The following NSMCE2 variants were observed in gnomAD, a reference collection of about 807,000 sequenced individuals.
NSMCE2 encodes NSE2 SUMO ligase component of SMC5/6 complex, also known as E3 SUMO-protein ligase NSE2.
In NSMCE2, 24 loss-of-function variants were observed where a neutral mutation model predicts 23.8. The ratio of observed to expected loss-of-function variants is 1.01; its 90% CI spans 0.73 to 1.42. NSMCE2 has a LOEUF of 1.42. Ranked by LOEUF, NSMCE2 falls within the 40% of genes most tolerant of loss-of-function variation. The pLI, the probability that NSMCE2 is intolerant of heterozygous loss-of-function variation, is 0.00. For synonymous variants in NSMCE2, 92 were observed against 94.1 expected (o/e 0.98, Z 0.13); for missense variants, 284 against 296.5 (o/e 0.96, Z 0.31).
intron 1 of NSMCE2, among the ~76,000 whole-genome samples, chr8:125,099,824 A>G (rs1818099742): frequency 6.6e-6 from 1 of 152,034 alleles, no homozygotes; most frequent in African/African-American, 2.4e-5. Context: ...GAGTAGAGAA[A>G]TGGGGCTGGT....
chr8:125,117,901 G>A (rs1819091854), intron 3 of NSMCE2, among the ~76,000 whole-genome samples: 1 of 152,140 alleles, frequency 6.6e-6, no homozygotes, highest in South Asian at 2.1e-4. Context: ...CAAATATCTG[G>A]ATCAAGAATG....
Position 125,093,534 on chromosome 8 carries a change from CAATAAATA to C in NSMCE2, c.-111+1594_-111+1601del, listed in dbSNP as rs559764219. Among the ~76,000 whole-genome samples, 11 of 151,706 alleles carry C rather than the reference CAATAAATA, an allele frequency of 7.3e-5. No homozygotes were observed. The East Asian group carries it at 1.7e-3, about 24-fold the overall frequency. On this transcript the variant is annotated intron_variant, in intron 1 of 7. Transcript: ENST00000287437. Reference sequence around the variant, plus strand: ...CGAAACCCTCTCTCTACTAAAAATACAATAAATAAATAAATAAATAAATAAGTAAATAA... The same window carrying C: ...CGAAACCCTCTCTCTACTAAAAATACAATAAATAAATAAATAAGTAAATAA...
chr8:125,103,234 A>C (rs1818289532), intron 3 of NSMCE2, among the ~76,000 whole-genome samples: 1 of 151,922 alleles, frequency 6.6e-6, no homozygotes. Flanking sequence ...TGAACCCGGG[A>C]GGTGGAGGTT....
intron 5 of NSMCE2, among the ~76,000 whole-genome samples, chr8:125,266,090 TTC>T (rs1382372336): frequency 1.1e-3 from 142 of 126,430 alleles, no homozygotes; most frequent in African/African-American, 3.4e-3. Context: ...GTCAAATTTT[TTC>T]TTTTTTTTTT....
At chr8:125,180,657 C>G (rs1436169558) in intron 4 of NSMCE2, among the ~76,000 whole-genome samples, 2 of 152,164 alleles carry the variant, frequency 1.3e-5, no homozygotes, top group Non-Finnish European at 2.9e-5. Flanking sequence ...TTACCTCTGA[C>G]TAGTTGGATG....
chr8:125,334,734 C>G (rs540512998), intron 5 of NSMCE2, among the ~76,000 whole-genome samples: 1 of 142,724 alleles, frequency 7.0e-6, no homozygotes, highest in Non-Finnish European at 1.5e-5. Context: ...ACTATGTGTA[C>G]GAAGGATTGG....
chr8:125,290,025 GCCC>G (rs1455707600), intron 5 of NSMCE2, among the ~76,000 whole-genome samples: 2 of 152,288 alleles, frequency 1.3e-5, no homozygotes, highest in East Asian at 3.9e-4. Flanking sequence ...TTGATGTTCT[GCCC>G]TTGAATGGAA....
chr8:125,336,766 C>T (rs574285691), intron 5 of NSMCE2, among the ~76,000 whole-genome samples: 1 of 152,322 alleles, frequency 6.6e-6, no homozygotes, highest in African/African-American at 2.4e-5. Context: ...TCTTTGCAAG[C>T]ACTTCTAGTC....
At chr8:125,272,191 T>A (rs1827229774) in intron 5 of NSMCE2, among the ~76,000 whole-genome samples, 1 of 151,772 alleles carries the variant, frequency 6.6e-6, no homozygotes. Context: ...TTTTTTTGTA[T>A]TTTTAGTAGA....
At chr8:125,324,439 G>C (rs1299913546) in intron 5 of NSMCE2, among the ~76,000 whole-genome samples, 1 of 123,072 alleles carries the variant, frequency 8.1e-6, no homozygotes, top group African/African-American at 3.1e-5. Context: ...AATAGACATT[G>C]TATGTCATAT....
At chr8:125,146,037 G>T (rs1820656322) in intron 3 of NSMCE2, among the ~76,000 whole-genome samples, 1 of 152,118 alleles carries the variant, frequency 6.6e-6, no homozygotes, top group African/African-American at 2.4e-5. Context: ...TTTGTTATCA[G>T]ATTTCTTAAG....
chr8:125,360,923 G>C (rs1813513252), intron 7 of NSMCE2, among the ~76,000 whole-genome samples: 1 of 152,132 alleles, frequency 6.6e-6, no homozygotes, highest in Non-Finnish European at 1.5e-5. Flanking sequence ...CCCTGGGAAG[G>C]CCTCTCTGCA....
chr8:125,134,486 T>C (rs989137591), intron 3 of NSMCE2, among the ~76,000 whole-genome samples: 5 of 152,178 alleles, frequency 3.3e-5, no homozygotes, highest in African/African-American at 7.2e-5. Flanking sequence ...TGGTATCTTA[T>C]AGTGGTTTTA....
intron 4 of NSMCE2, among the ~76,000 whole-genome samples, chr8:125,151,953 A>G (rs1471383796): frequency 1.3e-5 from 2 of 152,192 alleles, no homozygotes; most frequent in Admixed American, 1.3e-4. Context: ...TACCTGTGTA[A>G]TAGGATGTCT....
At chr8:125,196,561 A>G (rs1586596634) in intron 5 of NSMCE2, among the ~76,000 whole-genome samples, 1 of 152,258 alleles carries the variant, frequency 6.6e-6, no homozygotes, top group Non-Finnish European at 1.5e-5. Flanking sequence ...ATAGTATTCC[A>G]TGGTGTATAT....
chr8:125,138,570 A>G (rs978433182), intron 3 of NSMCE2, among the ~76,000 whole-genome samples: 12 of 152,094 alleles, frequency 7.9e-5, no homozygotes, highest in Non-Finnish European at 7.4e-5. Flanking sequence ...GTGTGTGATC[A>G]GGTAGTACAA....
chr8:125,338,207 C>T (rs557252013), intron 5 of NSMCE2, among the ~76,000 whole-genome samples: 1 of 151,700 alleles, frequency 6.6e-6, no homozygotes, highest in Non-Finnish European at 1.5e-5. Flanking sequence ...GTGCCCTTTC[C>T]ACCAAAGCAC....
At chr8:125,180,763 C>T (rs1822766111) in intron 4 of NSMCE2, among the ~76,000 whole-genome samples, 2 of 152,140 alleles carry the variant, frequency 1.3e-5, no homozygotes, top group South Asian at 4.1e-4. Context: ...AAGCTGTCTT[C>T]CAGCCTAGAA....
chr8:125,293,812 A>T (rs937187762), intron 5 of NSMCE2, among the ~76,000 whole-genome samples: 1 of 152,218 alleles, frequency 6.6e-6, no homozygotes, highest in African/African-American at 2.4e-5. Context: ...TTAAGATGTA[A>T]TATACATACC....
Sources: gnomAD v4.1 joint callset for allele counts (sites outside exome capture counted in the v4.1 genomes callset) on GRCh38, gnomAD v4.1.1 for gene constraint, MANE v1.5 for transcripts, NCBI Gene and HGNC (gene_info 2026-07-23, HGNC 2026-07-21) for gene names.